Variants in SDHB observed in about 807,000 individuals in gnomAD.
SDHB encodes the protein succinate dehydrogenase complex iron sulfur subunit B.
In SDHB, 21 loss-of-function variants were observed where a neutral mutation model predicts 39.7. That is an observed-to-expected ratio of 0.53 (90% CI 0.37 to 0.76). SDHB has a LOEUF of 0.76. SDHB is among the 30% of genes least tolerant of loss of function. The pLI, the probability that SDHB is intolerant of heterozygous loss-of-function variation, is 0.00. For synonymous variants in SDHB, 118 were observed against 117.0 expected, an observed-to-expected ratio of 1.01 and a Z score of -0.06; for missense variants, 343 against 350.9, an observed-to-expected ratio of 0.98 and a Z score of 0.18.
intron 7 of SDHB, among the ~76,000 whole-genome samples, chr1:17,020,121 G>A (rs548729095): frequency 1.3e-5 from 2 of 152,330 alleles, no homozygotes; most frequent in African/African-American, 4.8e-5. Context: ...TAGGGAGGTG[G>A]CTGGGTGGAG....
At chr1:17,051,880 C>T (rs1466167034) in intron 1 of SDHB, among the ~76,000 whole-genome samples, 3 of 148,848 alleles carry the variant, frequency 2.0e-5, no homozygotes, top group Non-Finnish European at 4.4e-5. Flanking sequence ...TCGCTCTTGT[C>T]GCCCAGGATG....
At chr1:17,020,959 G>A (rs1042441685) in intron 7 of SDHB, among the ~76,000 whole-genome samples, 3 of 152,048 alleles carry the variant, frequency 2.0e-5, no homozygotes, top group Non-Finnish European at 2.9e-5. Flanking sequence ...CTTTTTTTAC[G>A]GCTAACTGGC....
chr1:17,042,660 C>A (rs2078087314), intron 2 of SDHB, among the ~76,000 whole-genome samples: 1 of 152,000 alleles, frequency 6.6e-6, no homozygotes. Context: ...TGCCTATAGT[C>A]CCAGTTACTC....
chr1:17,037,744 A>G (rs2078057691), intron 2 of SDHB, among the ~76,000 whole-genome samples: 1 of 152,042 alleles, frequency 6.6e-6, no homozygotes, highest in African/African-American at 2.4e-5. Flanking sequence ...GGCGTGAGCC[A>G]TCGCACCCAG....
intron 7 of SDHB, among the ~76,000 whole-genome samples, chr1:17,021,842 C>T (rs2077963522): frequency 6.6e-6 from 1 of 152,164 alleles, no homozygotes. Context: ...TTGTTAGATG[C>T]TGGCGCCAGC....
chr1:17,040,581 A>C (rs2078074280), intron 2 of SDHB, among the ~76,000 whole-genome samples: 1 of 152,108 alleles, frequency 6.6e-6, no homozygotes, highest in Non-Finnish European at 1.5e-5. Flanking sequence ...CAGCATCCCA[A>C]GTAGCTAGGA....
At chr1:17,022,505 C>CA in intron 7 of SDHB, 103 bp downstream of exon 7, 2 of 1,506,932 alleles carry the variant, frequency 1.3e-6, no homozygotes, top group Non-Finnish European at 1.8e-6. Flanking sequence ...CTTTCCTTCT[C>CA]AAATGACTAG....
intron 2 of SDHB, among the ~76,000 whole-genome samples, chr1:17,043,728 G>GC (rs1188498594): frequency 6.6e-6 from 1 of 152,154 alleles, no homozygotes; most frequent in African/African-American, 2.4e-5. Flanking sequence ...AACTCAACCT[G>GC]CTGCTGCTGC....
chr1:17,030,261 C>T (rs1383832085), intron 3 of SDHB, among the ~76,000 whole-genome samples: 1 of 151,982 alleles, frequency 6.6e-6, no homozygotes, highest in African/African-American at 2.4e-5. Context: ...GTCTCTAACT[C>T]ACGGCCTCAA....
intron 2 of SDHB, among the ~76,000 whole-genome samples, chr1:17,038,339 G>C (rs1272237658): frequency 6.6e-6 from 1 of 152,096 alleles, no homozygotes; most frequent in African/African-American, 2.4e-5. Context: ...TTGAATGGCT[G>C]ATGTTAGCAT....
chr1:17,047,681 T>TA (rs375234539), intron 1 of SDHB, among the ~76,000 whole-genome samples: 70,888 of 132,802 alleles, frequency 0.53, 18,785 homozygotes, highest in Non-Finnish European at 0.62. Flanking sequence ...AAACTCAAGC[T>TA]AAAAAAAAAA....
chr1:17,026,343 C>T (rs940017372), intron 5 of SDHB, among the ~76,000 whole-genome samples: 2 of 151,790 alleles, frequency 1.3e-5, no homozygotes, highest in African/African-American at 4.9e-5. Context: ...ACTGGGCACA[C>T]TTACTAGGAC....
chr1:17,034,339 G>A (rs2078038922), intron 2 of SDHB, among the ~76,000 whole-genome samples: 1 of 151,842 alleles, frequency 6.6e-6, no homozygotes, highest in Non-Finnish European at 1.5e-5. Flanking sequence ...TGTAGAGGTG[G>A]GATTTCGCCA....
intron 7 of SDHB, 35 bp downstream of exon 7, chr1:17,022,573 C>A: frequency 6.2e-7 from 1 of 1,612,620 alleles, no homozygotes; most frequent in South Asian, 1.1e-5. Flanking sequence ...CGTGTCAGCT[C>A]TGAGGCAGAG....
At position 17,026,130 on chromosome 1, in the gene SDHB, C is replaced by T. The variant is rs1230819370; in HGVS notation, c.540+1619G>A. ...ACATCAGGGAGATGTTCACTAGCTA[C>T]GCACCAGCCTTGCCTAGGAATGCAA... On this transcript the variant is annotated intron_variant, in intron 5 of 7. Transcript: ENST00000375499. 6.6e-5 allele frequency among the ~76,000 whole-genome samples: 10 copies of T among 152,230 alleles called. No homozygotes were observed. In the South Asian group the frequency reaches 8.3e-4, roughly 13 times the overall value.
intron 1 of SDHB, among the ~76,000 whole-genome samples, chr1:17,053,062 A>C (rs895997417): frequency 7.2e-5 from 11 of 152,220 alleles, no homozygotes; most frequent in African/African-American, 2.7e-4. Flanking sequence ...GAATCCCAGA[A>C]GAGGAACAGA....
chr1:17,053,509 C>T (rs955986401), intron 1 of SDHB, among the ~76,000 whole-genome samples: 1 of 152,118 alleles, frequency 6.6e-6, no homozygotes, highest in African/African-American at 2.4e-5. Flanking sequence ...TCCTCAACCT[C>T]GCACCCTTGA....
chr1:17,039,894 A>G (rs2078071356), intron 2 of SDHB, among the ~76,000 whole-genome samples: 1 of 152,198 alleles, frequency 6.6e-6, no homozygotes, highest in Non-Finnish European at 1.5e-5. Flanking sequence ...ATCCTTTTAT[A>G]TCTACTATGT....
chr1:17,022,854 A>G (rs903550329), intron 6 of SDHB, 124 bp from the exon 7 acceptor site: 2 of 1,165,316 alleles, frequency 1.7e-6, no homozygotes, highest in Non-Finnish European at 2.5e-6. Flanking sequence ...CCTCATCTCC[A>G]TACTCTTTAA....
Sources: gnomAD v4.1 joint callset for allele counts (sites outside exome capture counted in the v4.1 genomes callset) on GRCh38, gnomAD v4.1.1 for gene constraint, MANE v1.5 for transcripts, NCBI Gene and HGNC (gene_info 2026-07-23, HGNC 2026-07-21) for gene names.